The following PRKAR2B variants were observed in gnomAD, a reference collection of about 807,000 sequenced individuals.
PRKAR2B encodes protein kinase cAMP-dependent type II regulatory subunit beta.
Under a neutral mutation model 49.9 loss-of-function variants are expected in PRKAR2B, and 14 were observed. The ratio of observed to expected loss-of-function variants is 0.28; its 90% CI spans 0.19 to 0.44. The LOEUF is 0.44. Ranked by LOEUF, PRKAR2B falls within the 20% of genes least tolerant of loss-of-function variation. PRKAR2B has a pLI of 1.00. For missense variants in PRKAR2B, 393 were observed against 537.9 expected (o/e 0.73, Z 2.67); for synonymous variants, 196 against 197.7 (o/e 0.99, Z 0.07).
intron 2 of PRKAR2B, among the ~76,000 whole-genome samples, chr7:107,092,524 A>G (rs905029493): frequency 2.0e-5 from 3 of 152,040 alleles, no homozygotes; most frequent in African/African-American, 7.2e-5. Flanking sequence ...CTATCAGCCC[A>G]TTGTGCTGCT....
intron 1 of PRKAR2B, among the ~76,000 whole-genome samples, chr7:107,059,888 G>A (rs978947427): frequency 3.3e-5 from 5 of 151,944 alleles, no homozygotes; most frequent in African/African-American, 7.3e-5. Context: ...TGCTCTCAGC[G>A]TGATAGCTTA....
At chr7:107,061,821 G>A (rs1794032658) in intron 1 of PRKAR2B, among the ~76,000 whole-genome samples, 2 of 152,096 alleles carry the variant, frequency 1.3e-5, no homozygotes, top group South Asian at 2.1e-4. Context: ...CGGTTGAACC[G>A]GGATGGCGAA....
intron 7 of PRKAR2B, among the ~76,000 whole-genome samples, 158 bp downstream of exon 7, chr7:107,151,181 T>G (rs1390663466): frequency 6.6e-6 from 1 of 152,258 alleles, no homozygotes; most frequent in African/African-American, 2.4e-5. Context: ...TATAACTCAT[T>G]GTTTCTTCTG....
At chr7:107,110,395 G>A (rs76343323) in intron 2 of PRKAR2B, among the ~76,000 whole-genome samples, 52 of 152,188 alleles carry the variant, frequency 3.4e-4, no homozygotes, top group African/African-American at 1.3e-3. Flanking sequence ...CAGAGCCATT[G>A]GACTGGAGAG....
chr7:107,127,190 T>C (rs1031518198), intron 3 of PRKAR2B, among the ~76,000 whole-genome samples: 5 of 152,340 alleles, frequency 3.3e-5, no homozygotes, highest in African/African-American at 1.2e-4. Context: ...CTGTGAGCTC[T>C]GATGCTCTGA....
At chr7:107,048,346 G>A (rs765000594) in intron 1 of PRKAR2B, among the ~76,000 whole-genome samples, 38 of 152,116 alleles carry the variant, frequency 2.5e-4, no homozygotes, top group Non-Finnish European at 4.4e-4. Context: ...TGATCAGGGA[G>A]TTCTTAAATG....
chr7:107,046,539 C>T (rs911732019), intron 1 of PRKAR2B, among the ~76,000 whole-genome samples: 1 of 152,158 alleles, frequency 6.6e-6, no homozygotes, highest in Non-Finnish European at 1.5e-5. Flanking sequence ...TTGTTACTTA[C>T]AATTTTAATT....
intron 9 of PRKAR2B, 68 bp from the exon 10 acceptor site, chr7:107,157,118 T>G: frequency 6.2e-7 from 1 of 1,607,402 alleles, no homozygotes; most frequent in Non-Finnish European, 8.5e-7. Context: ...CTTTTTGATG[T>G]TTAGACTGAG....
At chr7:107,128,397 C>A in intron 4 of PRKAR2B, 102 bp downstream of exon 4, 1 of 648,470 alleles carries the variant, frequency 1.5e-6, no homozygotes, top group South Asian at 2.1e-5. Context: ...GTAAGCTGAT[C>A]ACCCTGGGGT....
At chr7:107,128,697 A>G (rs1795543706) in intron 4 of PRKAR2B, 2 of 159,332 alleles carry the variant, frequency 1.3e-5, no homozygotes, top group Non-Finnish European at 2.7e-5. Flanking sequence ...CTTTACAGCC[A>G]GTGGTAGTAA....
At chr7:107,126,335 G>A (rs562525877) in intron 3 of PRKAR2B, among the ~76,000 whole-genome samples, 1 of 149,358 alleles carries the variant, frequency 6.7e-6, no homozygotes, top group Non-Finnish European at 1.5e-5. Context: ...GCAGGAGAAT[G>A]GCGTGAACCC....
At chr7:107,058,398 C>G (rs965174597) in intron 1 of PRKAR2B, among the ~76,000 whole-genome samples, 3 of 152,100 alleles carry the variant, frequency 2.0e-5, no homozygotes, top group African/African-American at 7.2e-5. Context: ...TAAAAGTAAG[C>G]TCATGGTGGG....
chr7:107,055,076 C>T (rs1793885736), intron 1 of PRKAR2B, among the ~76,000 whole-genome samples: 1 of 151,764 alleles, frequency 6.6e-6, no homozygotes. Context: ...GGTTTTTTGT[C>T]CTTGTGATAG....
intron 1 of PRKAR2B, among the ~76,000 whole-genome samples, chr7:107,066,301 G>GGGGT (rs147673007): frequency 0.028 from 4,057 of 145,588 alleles, 191 homozygotes; most frequent in African/African-American, 0.09. Context: ...CTCTATGTGG[G>GGGGT]GTGTGTGTGT....
intron 3 of PRKAR2B, among the ~76,000 whole-genome samples, chr7:107,126,269 A>AT (rs928432210): frequency 7.1e-6 from 1 of 140,290 alleles, no homozygotes; most frequent in African/African-American, 2.7e-5. Flanking sequence ...AAAAAAAAAA[A>AT]CCAAAGCCAG....
chr7:107,071,189 C>G (rs1473630295), intron 2 of PRKAR2B, among the ~76,000 whole-genome samples: 1 of 152,016 alleles, frequency 6.6e-6, no homozygotes, highest in Admixed American at 6.6e-5. Flanking sequence ...TTGTTAAACC[C>G]AAGATAAACA....
At chr7:107,054,722 A>T (rs1032545288) in intron 1 of PRKAR2B, among the ~76,000 whole-genome samples, 1 of 152,204 alleles carries the variant, frequency 6.6e-6, no homozygotes, top group African/African-American at 2.4e-5. Flanking sequence ...AGGTGTGCAA[A>T]TGTTTTTTAA....
chr7:107,086,092 A>T (rs1794613794), intron 2 of PRKAR2B, among the ~76,000 whole-genome samples: 1 of 152,216 alleles, frequency 6.6e-6, no homozygotes, highest in Admixed American at 6.5e-5. Context: ...GTTATATTTC[A>T]GTTGGCATTT....
chr7:107,113,920 A>G (rs545604050), intron 2 of PRKAR2B, among the ~76,000 whole-genome samples: 55 of 152,278 alleles, frequency 3.6e-4, no homozygotes, highest in African/African-American at 1.1e-3. Context: ...ATGTATGAAC[A>G]GTAGAATTAA....
Sources: allele counts gnomAD v4.1 joint callset (sites outside exome capture counted in the v4.1 genomes callset), GRCh38; gene constraint gnomAD v4.1.1; transcripts MANE v1.5; gene names NCBI Gene and HGNC (gene_info 2026-07-23, HGNC 2026-07-21).